Variants in CD6 observed in about 807,000 individuals in gnomAD.
CD6 encodes T-cell differentiation antigen CD6.
CD6 carries 53 observed loss-of-function variants against 75.3 expected under a neutral mutation model. The observed-to-expected ratio is 0.70, with a 90% CI of 0.56 to 0.88. The LOEUF is 0.88. Among genes scored for constraint, CD6 ranks in the 40% least tolerant of loss-of-function variants. The pLI is 0.00. For missense variants in CD6, 770 were observed against 897.1 expected (o/e 0.86, Z 1.81); for synonymous variants, 359 against 381.5 (o/e 0.94, Z 0.69).
chr11:60,999,414 C>T (rs1234628751), intron 1 of CD6, among the ~76,000 whole-genome samples: 2 of 149,680 alleles, frequency 1.3e-5, no homozygotes, highest in African/African-American at 4.9e-5. Context: ...TCTCAGGATG[C>T]AGTGAGAGGA....
At chr11:60,995,712 CTAT>C (rs1858264530) in intron 1 of CD6, among the ~76,000 whole-genome samples, 3 of 152,056 alleles carry the variant, frequency 2.0e-5, no homozygotes, top group Non-Finnish European at 4.4e-5. Context: ...CGAGGTGAGA[CTAT>C]TAAGTCTCAT....
chr11:61,011,267 T>C, intron 6 of CD6, 132 bp downstream of exon 6: 1 of 717,128 alleles, frequency 1.4e-6, no homozygotes, highest in East Asian at 2.8e-5. Flanking sequence ...CTCCAGCCAA[T>C]GGACTTGCCT....
In CD6 at chr11:61,007,591, G is replaced by C. The variant is rs1399961422; in HGVS notation, c.150G>C (p.Gly50=). Residue 50 remains glycine, a synonymous_variant, in exon 3 of 13, where the codon GGG becomes GGC. Coordinates refer to ENST00000313421, the MANE Select transcript of CD6 (RefSeq NM_006725.5). The surrounding 1 kb of genome is among the most constrained non-coding windows in gnomAD (Gnocchi z 4.2). ...GERLPVRLTN[G]SSSCSGTVEV... ...GGCTTCCGGTCCGTCTGACAAACGG[G>C]AGCAGCAGCTGCAGCGGGACGGTGG... 6.6e-7 allele frequency: 1 copy of C among 1,504,158 alleles called. No homozygotes were observed. The highest frequency in any genetic ancestry group is 1.2e-5 in the South Asian group (1 of 80,018). 93.2% of individuals were successfully genotyped at this position (1,504,158 alleles called of 1,614,324 possible). A position where few individuals can be genotyped will look rare whatever the true frequency, so the allele number is the denominator to read the frequency against.
chr11:61,011,178 C>CGT (rs10528068), intron 6 of CD6, 43 bp downstream of exon 6: 66,838 of 883,702 alleles, frequency 0.076, 662 homozygotes, highest in African/African-American at 0.16. Flanking sequence ...GAAGCTTGGA[C>CGT]GTGTGTGTGT....
At chr11:60,998,549 G>GC (rs1858412525) in intron 1 of CD6, among the ~76,000 whole-genome samples, 1 of 152,106 alleles carries the variant, frequency 6.6e-6, no homozygotes, top group African/African-American at 2.4e-5. Context: ...TCTCCACTGT[G>GC]CCCCCAACAA....
chr11:60,993,100 C>T (rs560378650), intron 1 of CD6, among the ~76,000 whole-genome samples: 3 of 152,060 alleles, frequency 2.0e-5, no homozygotes, highest in Admixed American at 6.5e-5. Context: ...CGGTCTGGCA[C>T]GGGAGCCTGA....
chr11:60,982,925 C>G (rs1001604157), intron 1 of CD6, among the ~76,000 whole-genome samples: 1 of 152,014 alleles, frequency 6.6e-6, no homozygotes, highest in Non-Finnish European at 1.5e-5. Flanking sequence ...TCCCCACCCC[C>G]ACCCCTAGAG....
chr11:60,999,617 A>T (rs1554994291), intron 1 of CD6, among the ~76,000 whole-genome samples: 1 of 151,080 alleles, frequency 6.6e-6, no homozygotes, highest in South Asian at 2.1e-4. Context: ...CTCCCTGTAA[A>T]TTTTTTTTTG....
intron 12 of CD6, 166 bp downstream of exon 12, chr11:61,018,559 T>G: frequency 4.9e-6 from 3 of 606,194 alleles, no homozygotes; most frequent in Non-Finnish European, 8.7e-6. Context: ...CCAGGCATGG[T>G]AGCTCAAGCC....
intron 6 of CD6, among the ~76,000 whole-genome samples, chr11:61,012,737 G>A (rs1017994687): frequency 2.0e-5 from 3 of 152,182 alleles, no homozygotes; most frequent in Non-Finnish European, 4.4e-5. Context: ...AGGGCAAGAA[G>A]TCACCCCTGA....
chr11:61,009,828 CTCCA>C lies in CD6; in HGVS notation c.1039_1042del (p.Ser347ThrfsTer36). The C allele has an allele frequency of 6.3e-7, 1 of 1,585,110 alleles. No homozygotes were observed. Among genetic ancestry groups the C allele is most frequent in the South Asian group, 1.2e-5 (1 of 86,654 alleles). ...CCAACTGCTCCTGGCGGTTCAACAA[CTCCA>C]ACCTCTGCAGCCAGTCGCTGGCAGC... On this transcript the variant is annotated frameshift_variant, in exon 5 of 13. Coordinates refer to ENST00000313421, the MANE Select transcript of CD6 (RefSeq NM_006725.5). LOFTEE classifies it high-confidence loss of function.
Position 61,007,811 on chromosome 11 carries a change from G to T in CD6, c.370G>T (p.Ala124Ser). 6.8e-7 allele frequency: 1 copy of T among 1,472,034 alleles called. No homozygotes were observed. 91.2% of individuals were successfully genotyped at this position (1,472,034 alleles called of 1,614,324 possible). A position where few individuals can be genotyped will look rare whatever the true frequency, so the allele number is the denominator to read the frequency against. ...AGCAGCTAATGCCACTCTGGCCGGG[G>T]CGCCCGCCCTCCTGTGCAGCGGCGC... ...SVAANATLAG[A>S]PALLCSGAEW... The change falls in exon 3 of 13, where the codon GCG becomes TCG. Residue 124 changes from alanine to serine, a missense_variant. Transcript: ENST00000313421. The surrounding 1 kb of genome is among the most constrained non-coding windows in gnomAD (Gnocchi z 4.2).
At chr11:61,003,508 A>G (rs993617040) in intron 1 of CD6, among the ~76,000 whole-genome samples, 1 of 152,160 alleles carries the variant, frequency 6.6e-6, no homozygotes, top group Non-Finnish European at 1.5e-5. Flanking sequence ...TGAGGTGGGC[A>G]GATCACTTGA....
chr11:60,979,385 C>G (rs10750950), intron 1 of CD6, among the ~76,000 whole-genome samples: 12 of 151,972 alleles, frequency 7.9e-5, no homozygotes, highest in African/African-American at 2.7e-4. Context: ...TTGGGGCCAG[C>G]AGGAAGGCAA....
chr11:60,974,369 CT>C (rs1160641874), intron 1 of CD6, among the ~76,000 whole-genome samples: 2 of 152,152 alleles, frequency 1.3e-5, no homozygotes, highest in Non-Finnish European at 2.9e-5. Context: ...TGTTGCCAGG[CT>C]TGAGTAGCTG....
At chr11:60,994,964 A>C (rs1858231447) in intron 1 of CD6, among the ~76,000 whole-genome samples, 1 of 152,198 alleles carries the variant, frequency 6.6e-6, no homozygotes, top group African/African-American at 2.4e-5. Context: ...AGGCTAGGAC[A>C]GCACTGTGTG....
In CD6 at chr11:61,019,309, C is replaced by T. The variant is rs746768222; in HGVS notation, c.1998C>T (p.Ser666=). The T allele has an allele frequency of 1.6e-5, 26 of 1,608,698 alleles. No homozygotes were observed. The highest frequency in any genetic ancestry group is 2.0e-5 in the Non-Finnish European group (24 of 1,179,702). The change falls in exon 13 of 13, where the codon AGC becomes AGT. Residue 666 remains serine, a synonymous_variant. Transcript: ENST00000313421. Reference sequence around the variant, plus strand: ...ACAACGATGACTACGATGACATCAGCGCAGCCTAGGCCGGGGCCAGCCGAG... The same window carrying T: ...ACAACGATGACTACGATGACATCAGTGCAGCCTAGGCCGGGGCCAGCCGAG... The part of the protein sequence containing the change: ...STDNDDYDDI[S]AA
At chr11:60,991,634 G>C (rs914724792) in intron 1 of CD6, among the ~76,000 whole-genome samples, 1 of 151,400 alleles carries the variant, frequency 6.6e-6, no homozygotes, top group Non-Finnish European at 1.5e-5. Flanking sequence ...GGTATTGGGG[G>C]TTTTTATGGT....
chr11:61,019,099 C>T, intron 12 of CD6, 155 bp from the exon 13 acceptor site: 1 of 606,058 alleles, frequency 1.7e-6, no homozygotes, highest in Non-Finnish European at 3.0e-6. Context: ...TGCTGATGTT[C>T]TAGTCAGGGA....
Sources: gnomAD v4.1 joint callset for allele counts (sites outside exome capture counted in the v4.1 genomes callset) on GRCh38, gnomAD v4.1.1 for gene constraint, Gnocchi (gnomAD v3.1) non-coding constraint, MANE v1.5 for transcripts, NCBI Gene and HGNC (gene_info 2026-07-23, HGNC 2026-07-21) for gene names.